Variants in DYNC2H1 observed in about 807,000 individuals in gnomAD.
DYNC2H1 encodes the protein cytoplasmic dynein 2 heavy chain 1.
In DYNC2H1, 410 loss-of-function variants were observed where a neutral mutation model predicts 570.0. The observed-to-expected ratio is 0.72, with a 90% CI of 0.66 to 0.78. DYNC2H1 has a LOEUF of 0.78. Among genes scored for constraint, DYNC2H1 ranks in the 30% least tolerant of loss-of-function variants. The probability of loss-of-function intolerance (pLI) is 0.00; values close to 1 mark genes in which losing one functional copy is unlikely to be tolerated. For synonymous variants in DYNC2H1, 1,688 were observed against 1,677.6 expected, an observed-to-expected ratio of 1.01 and a Z score of -0.15; for missense variants, 4,865 against 5,046.4, an observed-to-expected ratio of 0.96 and a Z score of 1.09.
chr11:103,321,624 G>T (rs1230247595), intron 81 of DYNC2H1, among the ~76,000 whole-genome samples: 1 of 152,074 alleles, frequency 6.6e-6, no homozygotes, highest in South Asian at 2.1e-4. Flanking sequence ...ATAAATATGT[G>T]TCTTCAGTTT....
chr11:103,340,448 C>T (rs1939389298), intron 82 of DYNC2H1, among the ~76,000 whole-genome samples: 1 of 152,114 alleles, frequency 6.6e-6, no homozygotes, highest in Non-Finnish European at 1.5e-5. Context: ...GAAGCCTTAT[C>T]TTTAGCTTCT....
intron 82 of DYNC2H1, among the ~76,000 whole-genome samples, chr11:103,329,897 A>G (rs1938689757): frequency 6.6e-6 from 1 of 152,148 alleles, no homozygotes. Context: ...TAGGTATTTC[A>G]GTATTTCTTT....
chr11:103,249,201 A>G lies in DYNC2H1; in HGVS notation c.10042+3827A>G, dbSNP rs867758277. Reference sequence around the variant, plus strand: ...GACAACACTGAAGAGTCTTTTTTAGACAATAAAATATTTATTTTAAAATAT... The same window carrying G: ...GACAACACTGAAGAGTCTTTTTTAGGCAATAAAATATTTATTTTAAAATAT... On this transcript the variant is annotated intron_variant, in intron 65 of 88. Transcript: ENST00000375735. The surrounding 1 kb of genome is among the most constrained non-coding windows in gnomAD (Gnocchi z 4.6). Among the ~76,000 whole-genome samples, 1 of 152,014 alleles carries G rather than the reference A, an allele frequency of 6.6e-6. No individual in the cohort carries two copies. Among genetic ancestry groups the G allele is most frequent in the African/African-American group, 2.4e-5 (1 of 41,442 alleles).
chr11:103,295,043 T>C (rs1866763138), intron 75 of DYNC2H1, among the ~76,000 whole-genome samples: 1 of 152,052 alleles, frequency 6.6e-6, no homozygotes, highest in African/African-American at 2.4e-5. Flanking sequence ...GCTGCTGCAA[T>C]TGGTGTTACA....
chr11:103,265,430 A>C (rs1266096842), intron 70 of DYNC2H1, among the ~76,000 whole-genome samples: 2 of 152,160 alleles, frequency 1.3e-5, no homozygotes, highest in Non-Finnish European at 2.9e-5. Flanking sequence ...TCTTTCCTCC[A>C]CTTCATCTAT....
intron 46 of DYNC2H1, 31 bp from the exon 47 acceptor site, chr11:103,192,066 T>TTA (rs1862338700): frequency 7.1e-7 from 1 of 1,417,298 alleles, no homozygotes; most frequent in Non-Finnish European, 9.5e-7. Context: ...AATCATTATA[T>TTA]TACAATTAAA....
At chr11:103,232,322 A>G (rs1591446918) in intron 60 of DYNC2H1, among the ~76,000 whole-genome samples, 2 of 151,948 alleles carry the variant, frequency 1.3e-5, no homozygotes, top group East Asian at 1.9e-4. Context: ...TTAAAATTAT[A>G]TAGTCTTTTT....
Position 103,235,783 on chromosome 11 carries a change from GAAGA to G in DYNC2H1, c.9681_9684del (p.Glu3227AspfsTer13). 3 of 1,611,584 alleles carry G rather than the reference GAAGA, an allele frequency of 1.9e-6. No homozygotes were observed. Among genetic ancestry groups the G allele is most frequent in the Non-Finnish European group, 2.5e-6 (3 of 1,178,372 alleles). The stretch of plus-strand genomic sequence containing the variant: ...TGAATCTCTGAGAAAAACCTGTTTG[GAAGA>G]ATGGACCAAGTCAGCTGGTCTTGAG... On this transcript the variant is annotated frameshift_variant, in exon 62 of 89. Coordinates refer to ENST00000375735, the MANE Select transcript of DYNC2H1 (RefSeq NM_001377.3). LOFTEE classifies it high-confidence loss of function.
At chr11:103,202,018 T>C (rs1377088561) in intron 50 of DYNC2H1, among the ~76,000 whole-genome samples, 1 of 152,134 alleles carries the variant, frequency 6.6e-6, no homozygotes, top group African/African-American at 2.4e-5. Flanking sequence ...TGAGGAGAAA[T>C]TTTCTTCAGA....
chr11:103,282,842 T>A (rs1166007460), intron 72 of DYNC2H1, among the ~76,000 whole-genome samples, 166 bp from the exon 73 acceptor site: 1 of 152,084 alleles, frequency 6.6e-6, no homozygotes, highest in South Asian at 2.1e-4. Flanking sequence ...CAGTCCCTTA[T>A]GTTACATAGA....
intron 45 of DYNC2H1, among the ~76,000 whole-genome samples, chr11:103,190,579 A>C (rs1422048488): frequency 1.3e-5 from 2 of 152,190 alleles, no homozygotes; most frequent in African/African-American, 4.8e-5. Context: ...TTCTTAGATA[A>C]AGGGAATAGC....
rs759230771 is a variant in DYNC2H1, at chr11:103,109,775, G to T, written c.195+6G>T. On this transcript the variant is annotated splice_donor_region_variant and intron_variant, in intron 1 of 88. Transcript: ENST00000375735. Reference sequence around the variant, plus strand: ...GAATCTCCTTTTCCAACACGGTACGGTTCCTTGCACTCCTGCCTGACCCCT... The same window carrying T: ...GAATCTCCTTTTCCAACACGGTACGTTTCCTTGCACTCCTGCCTGACCCCT... 3.7e-6 allele frequency: 6 copies of T among 1,609,898 alleles called. No homozygotes were observed. In the African/African-American group the frequency reaches 6.7e-5, roughly 18 times the overall value.
intron 13 of DYNC2H1, among the ~76,000 whole-genome samples, chr11:103,131,850 G>A (rs940132997): frequency 2.0e-5 from 3 of 152,034 alleles, no homozygotes; most frequent in Admixed American, 6.6e-5. Context: ...CTCCATTCAA[G>A]ATTTCAAAGA....
At position 103,152,140 on chromosome 11, in the gene DYNC2H1, T is replaced by C; in HGVS notation, c.2951T>C (p.Leu984Ser). The C allele has an allele frequency of 6.2e-7, 1 of 1,604,414 alleles. No individual in the cohort carries two copies. The highest frequency in any genetic ancestry group is 1.1e-5 in the South Asian group (1 of 88,234). Residue 984 changes from leucine (L) to serine (S), a missense_variant, in exon 21 of 89, where the codon TTG (leucine) becomes TCG (serine). Leu to Ser is a moderately radical substitution (Grantham distance 145, BLOSUM62 -2). This residue lies in a region of DYNC2H1 where 1,936 missense variants were observed against 1,962.1 expected (regional missense o/e 0.99). Transcript: ENST00000375735. ...SKLQERKPEI[L>S]PLFQEAEDKN... ...TTTTTTTTTTTTAACCTTTAGATTT[T>C]GCCCTTATTTCAAGAAGCTGAAGAC...
At chr11:103,370,543 C>A (rs1941103981) in intron 83 of DYNC2H1, among the ~76,000 whole-genome samples, 1 of 152,168 alleles carries the variant, frequency 6.6e-6, no homozygotes, top group Non-Finnish European at 1.5e-5. Flanking sequence ...GGCTTCAGAT[C>A]TGACACAGTA....
chr11:103,152,926 G>T (rs1253293401), intron 21 of DYNC2H1, among the ~76,000 whole-genome samples: 1 of 152,160 alleles, frequency 6.6e-6, no homozygotes, highest in Non-Finnish European at 1.5e-5. Context: ...TTAGCTGCAT[G>T]GGAGACTGGG....
chr11:103,366,795 A>G (rs1940929203), intron 83 of DYNC2H1, among the ~76,000 whole-genome samples: 1 of 152,180 alleles, frequency 6.6e-6, no homozygotes, highest in South Asian at 2.1e-4. Flanking sequence ...TCCAATAAAT[A>G]TAAACTATTA....
At chr11:103,149,009 A>G (rs1274632492) in intron 20 of DYNC2H1, among the ~76,000 whole-genome samples, 1 of 152,164 alleles carries the variant, frequency 6.6e-6, no homozygotes, top group Non-Finnish European at 1.5e-5. Flanking sequence ...GTGAGCCAAG[A>G]TCGTGCCACT....
At chr11:103,428,197 T>TC (rs2135733971) in intron 84 of DYNC2H1, among the ~76,000 whole-genome samples, 1 of 150,954 alleles carries the variant, frequency 6.6e-6, no homozygotes, top group East Asian at 2.0e-4. Flanking sequence ...TTTTTTTTTT[T>TC]TTTCAGAATA....
Sources: gnomAD v4.1 joint callset for allele counts (sites outside exome capture counted in the v4.1 genomes callset) on GRCh38, gnomAD v4.1.1 for gene constraint, gnomAD v4.1.1 regional missense constraint, Gnocchi (gnomAD v3.1) non-coding constraint, MANE v1.5 for transcripts, NCBI Gene and HGNC (gene_info 2026-07-23, HGNC 2026-07-21) for gene names.